Variants in SPTLC3 observed in about 807,000 individuals in gnomAD.
The protein encoded by SPTLC3 is serine palmitoyltransferase long chain base subunit 3.
Under a neutral mutation model 59.3 loss-of-function variants are expected in SPTLC3, and 36 were observed. That is an observed-to-expected ratio of 0.61 (90% confidence interval 0.47 to 0.80). The LOEUF (loss-of-function observed/expected upper bound fraction) is 0.80. SPTLC3 is among the 30% of genes least tolerant of loss of function. The pLI is 0.00. For missense variants in SPTLC3, 625 were observed against 685.1 expected (o/e 0.91, Z 0.98); for synonymous variants, 257 against 240.8 (o/e 1.07, Z -0.62).
intron 1 of SPTLC3, among the ~76,000 whole-genome samples, chr20:13,027,919 T>C (rs1389442553): frequency 6.6e-6 from 1 of 152,236 alleles, no homozygotes; most frequent in African/African-American, 2.4e-5. Flanking sequence ...ATGTTTTATA[T>C]GATGTATATT....
At chr20:13,099,085 G>A (rs1989517868) in intron 6 of SPTLC3, among the ~76,000 whole-genome samples, 1 of 152,172 alleles carries the variant, frequency 6.6e-6, no homozygotes, top group African/African-American at 2.4e-5. Flanking sequence ...AATTCAGGTT[G>A]CAGATGGAAT....
chr20:13,140,742 T>C (rs921363403), intron 9 of SPTLC3, among the ~76,000 whole-genome samples: 2 of 152,334 alleles, frequency 1.3e-5, no homozygotes, highest in East Asian at 1.9e-4. Context: ...TAACTATTAA[T>C]TTTTGAATTT....
At chr20:13,101,852 T>C (rs879698) in intron 6 of SPTLC3, among the ~76,000 whole-genome samples, 115,864 of 151,952 alleles carry the variant, frequency 0.76, 45,284 homozygotes, top group African/African-American at 0.94. Flanking sequence ...GCTGCTGCTG[T>C]CATGCAGAAC....
At chr20:13,076,242 A>G (rs1292989475) in intron 4 of SPTLC3, among the ~76,000 whole-genome samples, 1 of 152,244 alleles carries the variant, frequency 6.6e-6, no homozygotes, top group African/African-American at 2.4e-5. Flanking sequence ...TATTTAAAGT[A>G]TTCCGCAACA....
chr20:13,039,565 T>C (rs1486789853), intron 1 of SPTLC3, among the ~76,000 whole-genome samples: 2 of 152,116 alleles, frequency 1.3e-5, no homozygotes, highest in African/African-American at 4.8e-5. Context: ...TTTCATCCAG[T>C]TTGACAATCT....
intron 11 of SPTLC3, 48 bp from the exon 12 acceptor site, chr20:13,164,706 G>T (rs562405902): frequency 2.1e-6 from 3 of 1,441,094 alleles, no homozygotes; most frequent in East Asian, 4.7e-5. Flanking sequence ...GCAAAGCAGG[G>T]CTACTTAGGT....
intron 2 of SPTLC3, among the ~76,000 whole-genome samples, chr20:13,061,894 C>T (rs1987991453): frequency 6.6e-6 from 1 of 152,162 alleles, no homozygotes. Context: ...ACATGTCTGG[C>T]CAGAACCCTT....
At chr20:13,019,659 C>A (rs6041769) in intron 1 of SPTLC3, among the ~76,000 whole-genome samples, 25,513 of 152,102 alleles carry the variant, frequency 0.17, 2,583 homozygotes, top group African/African-American at 0.28. Flanking sequence ...GTGTTAGAGA[C>A]CTGGTGATAT....
intron 9 of SPTLC3, among the ~76,000 whole-genome samples, chr20:13,139,785 A>G (rs764221655): frequency 2.6e-5 from 4 of 152,208 alleles, no homozygotes; most frequent in Admixed American, 1.3e-4. Flanking sequence ...GATTCTTTCC[A>G]AATGCTCTCC....
intron 9 of SPTLC3, among the ~76,000 whole-genome samples, chr20:13,151,455 A>G (rs2038646162): frequency 6.6e-6 from 1 of 152,338 alleles, no homozygotes; most frequent in South Asian, 2.1e-4. Context: ...TCCCTAAGAA[A>G]GAACAATAAG....
intron 9 of SPTLC3, among the ~76,000 whole-genome samples, chr20:13,127,821 T>C (rs1224629518): frequency 6.6e-6 from 1 of 152,206 alleles, no homozygotes; most frequent in East Asian, 1.9e-4. Context: ...GGCTGATCTC[T>C]AGGATCCCTT....
In SPTLC3 at chr20:13,046,663, G is replaced by A. The variant is rs548610536; in HGVS notation, c.118-2282G>A. Among the ~76,000 whole-genome samples, 7 of 152,198 alleles carry A rather than the reference G, an allele frequency of 4.6e-5. No homozygotes were observed. The East Asian group carries it at 9.7e-4, about 21-fold the overall frequency. On this transcript the variant is annotated intron_variant, in intron 1 of 11. Transcript: ENST00000399002. ...CGATGTAGTCTAAAGTTCAAGTGCA[G>A]AACAGAGCCAAGGAAAGGAGCCAAA...
chr20:13,029,186 C>T (rs1467763495), intron 1 of SPTLC3, among the ~76,000 whole-genome samples: 23 of 152,118 alleles, frequency 1.5e-4, no homozygotes, highest in Non-Finnish European at 1.5e-4. Context: ...TCCATCCTTT[C>T]CCATTGGTTC....
chr20:13,115,187 A>G (rs1321005332), intron 7 of SPTLC3, among the ~76,000 whole-genome samples: 2 of 152,212 alleles, frequency 1.3e-5, no homozygotes, highest in African/African-American at 4.8e-5. Context: ...CTTTTTATGC[A>G]TGCGCTAGAC....
chr20:13,096,100 C>A (rs1989402546), intron 6 of SPTLC3, among the ~76,000 whole-genome samples: 1 of 152,060 alleles, frequency 6.6e-6, no homozygotes, highest in African/African-American at 2.4e-5. Context: ...ACTAAAATAG[C>A]TAAAATTTAA....
At chr20:13,050,511 TG>T (rs1170291277) in intron 2 of SPTLC3, 2 of 152,170 alleles carry the variant, frequency 1.3e-5, no homozygotes, top group Non-Finnish European at 2.9e-5. Flanking sequence ...AAAACATATT[TG>T]GGGGAATAAT....
intron 1 of SPTLC3, 26 bp downstream of exon 1, chr20:13,009,410 C>A (rs1985111190): frequency 6.4e-7 from 1 of 1,558,680 alleles, no homozygotes; most frequent in East Asian, 2.2e-5. Flanking sequence ...CCCTACTCTT[C>A]TCTGAATTAC....
In SPTLC3 at chr20:13,076,570, C is replaced by T. The variant is rs79367276; in HGVS notation, c.607+2073C>T. Among the ~76,000 whole-genome samples the T allele has an allele frequency of 4.8e-3, 730 of 150,998 alleles. 4 individuals carry two copies. Among genetic ancestry groups the T allele is most frequent in the African/African-American group, 0.016 (638 of 41,036 alleles). The stretch of plus-strand genomic sequence containing the variant: ...GTAACAAAAGAGGAAAGATAGAAAA[C>T]GAAATAACAAGGAATCACTTAAAAC... On this transcript the variant is annotated intron_variant, in intron 4 of 11. Transcript: ENST00000399002.
chr20:13,137,159 G>A (rs2038266611), intron 9 of SPTLC3, among the ~76,000 whole-genome samples: 3 of 152,156 alleles, frequency 2.0e-5, no homozygotes, highest in African/African-American at 7.2e-5. Flanking sequence ...ATCAGACCAA[G>A]ACCTGAGGAG....
Sources: allele counts gnomAD v4.1 joint callset (sites outside exome capture counted in the v4.1 genomes callset), GRCh38; gene constraint gnomAD v4.1.1; transcripts MANE v1.5; gene names NCBI Gene and HGNC (gene_info 2026-07-23, HGNC 2026-07-21).